Variants in SEMA3A observed in about 807,000 individuals in gnomAD.
SEMA3A encodes semaphorin 3A, also known as semaphorin-3A.
A neutral mutation model predicts 97.9 loss-of-function variants in SEMA3A; 29 were observed. That is an observed-to-expected ratio of 0.30 (90% CI 0.22 to 0.40). SEMA3A has a LOEUF of 0.40. Among genes scored for constraint, SEMA3A ranks in the 10% least tolerant of loss-of-function variants. SEMA3A has a pLI of 1.00. For synonymous variants in SEMA3A, 321 were observed against 323.7 expected (o/e 0.99, Z 0.09); for missense variants, 763 against 951.3 (o/e 0.80, Z 2.60).
intron 1 of SEMA3A, among the ~76,000 whole-genome samples, chr7:84,457,118 C>G (rs1349941045): frequency 6.6e-6 from 1 of 150,670 alleles, no homozygotes; most frequent in Non-Finnish European, 1.5e-5. Flanking sequence ...ATAACTGGTA[C>G]CATTAAAAAA....
chr7:84,470,881 G>C (rs1806128890), intron 1 of SEMA3A, among the ~76,000 whole-genome samples: 1 of 151,530 alleles, frequency 6.6e-6, no homozygotes, highest in Non-Finnish European at 1.5e-5. Flanking sequence ...TTAAATAATT[G>C]GATTTCACAT....
chr7:84,292,209 C>T (rs1041553707), intron 3 of SEMA3A, among the ~76,000 whole-genome samples: 4 of 152,038 alleles, frequency 2.6e-5, no homozygotes, highest in African/African-American at 9.7e-5. Context: ...CATTCTTAAT[C>T]ACCTTCAATG....
intron 1 of SEMA3A, among the ~76,000 whole-genome samples, chr7:84,481,133 T>C (rs1020566174): frequency 5.9e-5 from 9 of 152,188 alleles, no homozygotes; most frequent in African/African-American, 2.2e-4. Context: ...ATCCTGTTCT[T>C]TGTATTTTCT....
intron 3 of SEMA3A, among the ~76,000 whole-genome samples, chr7:84,123,724 A>G (rs762071853): frequency 1.2e-4 from 17 of 147,150 alleles, no homozygotes; most frequent in Non-Finnish European, 2.4e-4. Flanking sequence ...TATCAGATAA[A>G]ATATATATAT....
intron 1 of SEMA3A, among the ~76,000 whole-genome samples, chr7:84,410,968 G>A (rs2116249390): frequency 6.6e-6 from 1 of 152,200 alleles, no homozygotes; most frequent in South Asian, 2.1e-4. Flanking sequence ...TCGGGGGATT[G>A]TAACTTTTTA....
intron 2 of SEMA3A, among the ~76,000 whole-genome samples, chr7:84,310,425 G>A (rs1451117497): frequency 5.9e-5 from 9 of 151,758 alleles, no homozygotes; most frequent in Non-Finnish European, 4.4e-5. Flanking sequence ...GTCAAAAGAG[G>A]TTCCATTAGT....
intron 3 of SEMA3A, among the ~76,000 whole-genome samples, chr7:84,249,098 T>C (rs1799539657): frequency 1.3e-5 from 2 of 152,326 alleles, no homozygotes; most frequent in East Asian, 1.9e-4. Context: ...CTCTGAACTC[T>C]GCTGGATTGC....
intron 1 of SEMA3A, among the ~76,000 whole-genome samples, chr7:84,190,966 C>T (rs1027997181): frequency 2.8e-5 from 4 of 145,158 alleles, no homozygotes; most frequent in South Asian, 4.3e-4. Context: ...GGTATATACA[C>T]ACACACACAC....
At chr7:84,471,653 C>T (rs78027716) in intron 1 of SEMA3A, among the ~76,000 whole-genome samples, 2,426 of 152,072 alleles carry the variant, frequency 0.016, 75 homozygotes, top group African/African-American at 0.055. Flanking sequence ...TTTATATCCT[C>T]ATGAGAGAAA....
chr7:84,073,910 G>A (rs1283949157), intron 4 of SEMA3A, among the ~76,000 whole-genome samples: 2 of 147,252 alleles, frequency 1.4e-5, no homozygotes, highest in Admixed American at 1.4e-4. Context: ...TCATACATAT[G>A]TTTTATCAGC....
intron 1 of SEMA3A, among the ~76,000 whole-genome samples, chr7:84,444,769 C>G (rs1409014322): frequency 6.6e-6 from 1 of 151,910 alleles, no homozygotes; most frequent in Admixed American, 6.6e-5. Flanking sequence ...ACCGTGTTAG[C>G]CAGGATGGTC....
chr7:84,292,529 T>A (rs1027769033), intron 3 of SEMA3A, among the ~76,000 whole-genome samples: 1 of 151,950 alleles, frequency 6.6e-6, no homozygotes, highest in Non-Finnish European at 1.5e-5. Context: ...TCAAAACATG[T>A]AAGAGAAGAG....
intron 5 of SEMA3A, among the ~76,000 whole-genome samples, chr7:84,059,790 GATAAA>G (rs1165316794): frequency 2.0e-5 from 3 of 151,796 alleles, no homozygotes; most frequent in Non-Finnish European, 2.9e-5. Context: ...AGGAAAAAAT[GATAAA>G]ATAAAGAGAA....
At chr7:84,340,795 A>AAT (rs1554366947) in intron 2 of SEMA3A, among the ~76,000 whole-genome samples, 1 of 125,814 alleles carries the variant, frequency 7.9e-6, no homozygotes, top group Non-Finnish European at 1.7e-5. Context: ...AAAAAAAAAA[A>AAT]AAATCAAAAT....
chr7:84,220,112 G>C (rs1170505466), intron 3 of SEMA3A, among the ~76,000 whole-genome samples: 3 of 152,164 alleles, frequency 2.0e-5, no homozygotes, highest in Admixed American at 6.6e-5. Flanking sequence ...AACTAAGTTT[G>C]TGTAATATTC....
At chr7:84,235,824 T>C (rs1383962583) in intron 3 of SEMA3A, among the ~76,000 whole-genome samples, 1 of 152,126 alleles carries the variant, frequency 6.6e-6, no homozygotes, top group Non-Finnish European at 1.5e-5. Context: ...CTTTAGACCA[T>C]ACTTTATGCC....
At chr7:84,230,735 C>T (rs1799098613) in intron 3 of SEMA3A, among the ~76,000 whole-genome samples, 1 of 151,926 alleles carries the variant, frequency 6.6e-6, no homozygotes. Context: ...ATAATGTCCT[C>T]AAGCTTGTAA....
chr7:84,086,523 T>C (rs1388993564), intron 4 of SEMA3A, among the ~76,000 whole-genome samples: 1 of 61,080 alleles, frequency 1.6e-5, no homozygotes, highest in African/African-American at 3.5e-5. Flanking sequence ...TATTTATATA[T>C]AATATATTAT....
intron 7 of SEMA3A, among the ~76,000 whole-genome samples, chr7:84,012,165 G>A (rs1790908911): frequency 6.6e-6 from 1 of 152,038 alleles, no homozygotes; most frequent in Non-Finnish European, 1.5e-5. Context: ...ACAACACCAT[G>A]ACTTTAATTA....
Sources: gnomAD v4.1 joint callset for allele counts (sites outside exome capture counted in the v4.1 genomes callset) on GRCh38, gnomAD v4.1.1 for gene constraint, MANE v1.5 for transcripts, NCBI Gene and HGNC (gene_info 2026-07-23, HGNC 2026-07-21) for gene names.